PHRF1: variants seen among roughly 807,000 people sequenced by gnomAD.
The protein encoded by PHRF1 is PHD and ring finger domains 1.
Under a neutral mutation model 128.9 loss-of-function variants are expected in PHRF1, and 53 were observed. The observed-to-expected ratio is 0.41, with a 90% CI of 0.33 to 0.52. PHRF1 has a LOEUF of 0.52. Ranked by LOEUF, PHRF1 falls within the 20% of genes least tolerant of loss-of-function variation. PHRF1 has a pLI of 0.21. For missense variants in PHRF1, 2,503 were observed against 2,284.5 expected (o/e 1.10, Z -1.95); for synonymous variants, 1,178 against 980.6 (o/e 1.20, Z -3.76).
At position 610,261 on chromosome 11, in the gene PHRF1, A is replaced by G. The variant is rs1856281936; in HGVS notation, c.4330A>G (p.Thr1444Ala). 6 of 1,556,130 alleles carry G rather than the reference A, an allele frequency of 3.9e-6. No homozygotes were observed. Among genetic ancestry groups the G allele is most frequent in the Non-Finnish European group, 5.2e-6 (6 of 1,150,002 alleles). The change falls in exon 15 of 18, where the codon ACA (threonine) becomes GCA (alanine). Residue 1444 changes from threonine (T) to alanine (A), a missense_variant. Coordinates refer to ENST00000264555, the MANE Select transcript of PHRF1 (RefSeq NM_001286581.2). ...CTGGGACATGGAGGATGTGGCCCCC[A>G]CAGGGGTCAGGCAGGTGTTCTCCGA... Reference protein sequence around the residue: ...GAWDMEDVAPTGVRQVFSELP... With the variant: ...GAWDMEDVAPAGVRQVFSELP...
chr11:599,609 G>C (rs1413082336), intron 9 of PHRF1, among the ~76,000 whole-genome samples: 1 of 152,112 alleles, frequency 6.6e-6, no homozygotes, highest in Non-Finnish European at 1.5e-5. Context: ...GTAGTCCTAG[G>C]TTTGACAGAC....
In PHRF1 at chr11:581,966, AAGC is replaced by A. The variant is rs1854230656; in HGVS notation, c.103_105del (p.Ser35del). The A allele has an allele frequency of 6.3e-7, 1 of 1,597,592 alleles. No homozygotes were observed. ...GTGTCTCACCCTGGTGTCTAGAAGAAAGCAGCGTGGGCAGCAGTGGGGACTCTG... is the reference window on the plus strand; with the variant it reads ...GTGTCTCACCCTGGTGTCTAGAAGAAAGCGTGGGCAGCAGTGGGGACTCTG... On this transcript the variant is annotated inframe_deletion, in exon 3 of 18. Transcript: ENST00000264555.
chr11:605,947 C>T (rs530700937), intron 12 of PHRF1, among the ~76,000 whole-genome samples: 54 of 152,350 alleles, frequency 3.5e-4, no homozygotes, highest in Admixed American at 8.5e-4. Flanking sequence ...CTGGGAGTTG[C>T]TGCAGCTCCA....
intron 4 of PHRF1, 82 bp from the exon 5 acceptor site, chr11:591,302 C>T (rs1176771383): frequency 7.9e-7 from 1 of 1,265,574 alleles, no homozygotes; most frequent in Admixed American, 2.1e-5. Context: ...TTAGCAGATA[C>T]TTGATTTTCA....
chr11:583,184 G>C (rs1250408834), intron 3 of PHRF1, among the ~76,000 whole-genome samples: 2 of 150,252 alleles, frequency 1.3e-5, no homozygotes, highest in Non-Finnish European at 3.0e-5. Context: ...ACTAAAAATA[G>C]AAAAATTAGC....
chr11:606,826 A>G (rs1165756051), intron 13 of PHRF1: 18 of 857,454 alleles, frequency 2.1e-5, no homozygotes, highest in South Asian at 9.3e-5. Flanking sequence ...CTGATGGGGT[A>G]CTGCCCCCGC....
intron 9 of PHRF1, among the ~76,000 whole-genome samples, chr11:598,858 T>C (rs1038794769): frequency 9.9e-5 from 15 of 152,272 alleles, no homozygotes; most frequent in African/African-American, 3.6e-4. Context: ...TGGGCTTTTC[T>C]GTGGGGGCCG....
At chr11:604,267 T>C (rs1855816613) in intron 10 of PHRF1, among the ~76,000 whole-genome samples, 1 of 152,180 alleles carries the variant, frequency 6.6e-6, no homozygotes, top group African/African-American at 2.4e-5. Flanking sequence ...GTGGTTCCTT[T>C]CTTCTGCAGA....
At chr11:596,172 GT>G (rs1855264122) in intron 6 of PHRF1, among the ~76,000 whole-genome samples, 1 of 152,140 alleles carries the variant, frequency 6.6e-6, no homozygotes, top group African/African-American at 2.4e-5. Flanking sequence ...TCCCTTGATT[GT>G]TTTTGCCTTA....
At chr11:599,962 T>C (rs1466129431) in intron 9 of PHRF1, among the ~76,000 whole-genome samples, 2 of 152,240 alleles carry the variant, frequency 1.3e-5, no homozygotes, top group African/African-American at 4.8e-5. Context: ...TGTATGAATA[T>C]ACCACAGTTT....
chr11:587,582 T>G, intron 4 of PHRF1, 118 bp downstream of exon 4: 2 of 1,030,190 alleles, frequency 1.9e-6, no homozygotes, highest in Non-Finnish European at 2.9e-6. Context: ...CGGCTGACCC[T>G]GGGGCCACAG....
At chr11:577,271 C>T (rs1853924835) in intron 1 of PHRF1, among the ~76,000 whole-genome samples, 1 of 152,262 alleles carries the variant, frequency 6.6e-6, no homozygotes, top group Admixed American at 6.5e-5. Flanking sequence ...AGCCGGGGAT[C>T]CGCGCCAGCC....
chr11:606,829 GC>G lies in PHRF1; in HGVS notation c.1610-232del, dbSNP rs1029949808. 21 of 863,356 alleles carry G rather than the reference GC, an allele frequency of 2.4e-5. No individual in the cohort carries two copies. The African/African-American group carries it at 3.6e-4, about 15-fold the overall frequency. 53.5% of individuals were successfully genotyped at this position (863,356 alleles called of 1,614,324 possible). ...TAAGAACATGTCCTGATGGGGTACT[GC>G]CCCCGCCCCTGGTTAATATCGTGTC... On this transcript the variant is annotated intron_variant, in intron 13 of 17. Transcript: ENST00000264555.
chr11:607,038 G>T, intron 13 of PHRF1, 28 bp from the exon 14 acceptor site: 1 of 1,535,344 alleles, frequency 6.5e-7, no homozygotes, highest in Non-Finnish European at 8.8e-7. Context: ...GGTGGGAAAT[G>T]ATTGCCATTG....
At chr11:601,390 C>G (rs1240154709) in intron 9 of PHRF1, among the ~76,000 whole-genome samples, 184 bp from the exon 10 acceptor site, 5 of 150,620 alleles carry the variant, frequency 3.3e-5, no homozygotes, top group African/African-American at 7.4e-5. Flanking sequence ...GATTGTGCCA[C>G]TGCACTCCAG....
intron 12 of PHRF1, among the ~76,000 whole-genome samples, chr11:605,953 C>T (rs1855915026): frequency 6.6e-6 from 1 of 152,210 alleles, no homozygotes; most frequent in Non-Finnish European, 1.5e-5. Flanking sequence ...GTTGCTGCAG[C>T]TCCACGAGGT....
chr11:598,019 C>T (rs1180413564), intron 8 of PHRF1, among the ~76,000 whole-genome samples: 2 of 152,104 alleles, frequency 1.3e-5, no homozygotes, highest in Non-Finnish European at 2.9e-5. Flanking sequence ...GGTGTGTGCC[C>T]TTGGCAAGCC....
intron 10 of PHRF1, among the ~76,000 whole-genome samples, chr11:604,867 G>C (rs1258251891): frequency 6.6e-6 from 1 of 152,148 alleles, no homozygotes; most frequent in Non-Finnish European, 1.5e-5. Context: ...TTCACTTAAT[G>C]CTACTACGAC....
intron 10 of PHRF1, 53 bp downstream of exon 10, chr11:601,754 G>A (rs1023846272): frequency 3.6e-5 from 58 of 1,608,166 alleles, no homozygotes; most frequent in Admixed American, 3.1e-4. Context: ...GCACCCTCGC[G>A]TGGTTACGGA....
Sources: gnomAD v4.1 joint callset for allele counts (sites outside exome capture counted in the v4.1 genomes callset) on GRCh38, gnomAD v4.1.1 for gene constraint, MANE v1.5 for transcripts, NCBI Gene and HGNC (gene_info 2026-07-23, HGNC 2026-07-21) for gene names.